The following OSBPL10 variants were observed in gnomAD, a reference collection of about 807,000 sequenced individuals.
OSBPL10 encodes oxysterol binding protein like 10, also known as oxysterol-binding protein-related protein 10.
A neutral mutation model predicts 81.7 loss-of-function variants in OSBPL10; 49 were observed. The observed-to-expected ratio is 0.60, with a 90% confidence interval of 0.48 to 0.76. The LOEUF (loss-of-function observed/expected upper bound fraction) is 0.76, where lower values mean the gene tolerates loss of function less well. Among genes scored for constraint, OSBPL10 ranks in the 30% least tolerant of loss-of-function variants. The pLI is 0.00. For missense variants in OSBPL10, 923 were observed against 987.8 expected, an observed-to-expected ratio of 0.93 and a Z score of 0.88; for synonymous variants, 419 against 383.6, an observed-to-expected ratio of 1.09 and a Z score of -1.08.
At position 31,917,592 on chromosome 3, in the gene OSBPL10, G is replaced by A. The variant is rs573845069; in HGVS notation, c.282-37762C>T. 6.0e-5 allele frequency among the ~76,000 whole-genome samples: 9 copies of A among 150,856 alleles called. No individual in the cohort carries two copies. The South Asian group carries it at 1.9e-3, about 32-fold the overall frequency. ...TCTCTCTGAACCTATTCTGGTTCTG[G>A]AGGCTGCCTGATTTAAAACACAAAA... is the stretch of plus-strand genomic sequence containing the variant. On this transcript the variant is annotated intron_variant, in intron 1 of 11. Transcript: ENST00000396556.
At chr3:31,873,910 C>T (rs754784101) in intron 3 of OSBPL10, among the ~76,000 whole-genome samples, 1 of 152,134 alleles carries the variant, frequency 6.6e-6, no homozygotes, top group Non-Finnish European at 1.5e-5. Context: ...AATTATTATT[C>T]CCTAGTTGAT....
intron 4 of OSBPL10, among the ~76,000 whole-genome samples, chr3:31,772,955 C>T (rs950437564): frequency 1.3e-5 from 2 of 151,846 alleles, no homozygotes; most frequent in African/African-American, 4.8e-5. Flanking sequence ...CCAGCACTAG[C>T]CAAGAAGGGT....
intron 2 of OSBPL10, among the ~76,000 whole-genome samples, chr3:32,029,839 C>T (rs940264072): frequency 6.6e-6 from 1 of 152,186 alleles, no homozygotes; most frequent in Non-Finnish European, 1.5e-5. Flanking sequence ...TAATGGGGCA[C>T]AGGACAGTGA....
intron 1 of OSBPL10, among the ~76,000 whole-genome samples, chr3:31,909,113 G>C (rs546653204): frequency 6.2e-4 from 94 of 152,334 alleles, no homozygotes; most frequent in South Asian, 3.3e-3. Flanking sequence ...CCTGAGCTAA[G>C]GGAAAACTAC....
intron 7 of OSBPL10, among the ~76,000 whole-genome samples, chr3:31,699,384 C>T (rs1349282985): frequency 6.6e-6 from 1 of 152,208 alleles, no homozygotes; most frequent in Non-Finnish European, 1.5e-5. Flanking sequence ...GACCCTCCAC[C>T]TCACTGTGGT....
chr3:31,741,327 C>T (rs1299863831), intron 5 of OSBPL10, among the ~76,000 whole-genome samples: 1 of 152,240 alleles, frequency 6.6e-6, no homozygotes, highest in African/African-American at 2.4e-5. Context: ...TGCAGTGGCA[C>T]AATCTCGGCT....
intron 8 of OSBPL10, among the ~76,000 whole-genome samples, chr3:31,673,553 T>C (rs550138338): frequency 6.6e-6 from 1 of 152,216 alleles, no homozygotes; most frequent in African/African-American, 2.4e-5. Flanking sequence ...CTGGACCCTG[T>C]AGAGAAGGCT....
At chr3:31,798,273 CAT>C (rs1165454123) in intron 4 of OSBPL10, among the ~76,000 whole-genome samples, 4 of 151,876 alleles carry the variant, frequency 2.6e-5, no homozygotes, top group Non-Finnish European at 5.9e-5. Flanking sequence ...CTAGTAAAAA[CAT>C]AAAAATTAGC....
chr3:32,049,926 T>A (rs1699656909), intron 1 of OSBPL10, among the ~76,000 whole-genome samples: 3 of 152,196 alleles, frequency 2.0e-5, no homozygotes, highest in Admixed American at 2.0e-4. Flanking sequence ...AACACTTTTC[T>A]CCCTTCCCTT....
At chr3:31,843,312 C>T (rs1260243109) in intron 3 of OSBPL10, among the ~76,000 whole-genome samples, 1 of 152,200 alleles carries the variant, frequency 6.6e-6, no homozygotes, top group African/African-American at 2.4e-5. Context: ...TTACCTGTGT[C>T]TGGGGTAGAG....
intron 7 of OSBPL10, among the ~76,000 whole-genome samples, chr3:31,690,291 T>C (rs1256550898): frequency 6.6e-6 from 1 of 151,970 alleles, no homozygotes; most frequent in East Asian, 1.9e-4. Context: ...GCTCTGGCCA[T>C]GTAAGATGTT....
intron 6 of OSBPL10, among the ~76,000 whole-genome samples, chr3:31,714,410 C>CT (rs1696365831): frequency 6.6e-6 from 1 of 152,078 alleles, no homozygotes; most frequent in Non-Finnish European, 1.5e-5. Flanking sequence ...AGGCAAGGAG[C>CT]TGGCAGCAGG....
chr3:31,882,399 G>A (rs1192658091), intron 1 of OSBPL10, among the ~76,000 whole-genome samples: 1 of 152,160 alleles, frequency 6.6e-6, no homozygotes, highest in Non-Finnish European at 1.5e-5. Flanking sequence ...CCCCAAGCCG[G>A]CAGTAACAAC....
At chr3:31,699,310 C>G (rs1310765250) in intron 7 of OSBPL10, among the ~76,000 whole-genome samples, 2 of 152,204 alleles carry the variant, frequency 1.3e-5, no homozygotes, top group Non-Finnish European at 1.5e-5. Flanking sequence ...GGACCTGATC[C>G]TAACGTCCAC....
intron 2 of OSBPL10, among the ~76,000 whole-genome samples, chr3:32,040,483 G>A (rs571076593): frequency 6.6e-6 from 1 of 152,226 alleles, no homozygotes; most frequent in East Asian, 1.9e-4. Flanking sequence ...GGCTGAGACA[G>A]GAGCATGACT....
intron 6 of OSBPL10, among the ~76,000 whole-genome samples, chr3:31,713,255 C>T (rs1298694577): frequency 6.6e-6 from 1 of 152,172 alleles, no homozygotes; most frequent in African/African-American, 2.4e-5. Flanking sequence ...CTTGTTCATT[C>T]TGCTCACCCC....
intron 3 of OSBPL10, among the ~76,000 whole-genome samples, chr3:31,838,826 T>A (rs1700426150): frequency 2.6e-5 from 4 of 152,240 alleles, no homozygotes; most frequent in African/African-American, 9.6e-5. Flanking sequence ...GCTAATACTT[T>A]AAATTGTTTA....
At chr3:32,022,304 G>T (rs1381640078) in intron 2 of OSBPL10, among the ~76,000 whole-genome samples, 1 of 152,208 alleles carries the variant, frequency 6.6e-6, no homozygotes, top group African/African-American at 2.4e-5. Flanking sequence ...GCACCAAACA[G>T]GGAGAATTGG....
intron 1 of OSBPL10, among the ~76,000 whole-genome samples, chr3:31,923,011 A>G (rs1246838291): frequency 6.6e-6 from 1 of 152,172 alleles, no homozygotes; most frequent in East Asian, 1.9e-4. Context: ...GCTTTAAAGG[A>G]GCAACTAAAA....
Sources: gnomAD v4.1 joint callset for allele counts (sites outside exome capture counted in the v4.1 genomes callset) on GRCh38, gnomAD v4.1.1 for gene constraint, MANE v1.5 for transcripts, NCBI Gene and HGNC (gene_info 2026-07-23, HGNC 2026-07-21) for gene names.